The following TTC33 variants were observed in gnomAD, a reference collection of about 807,000 sequenced individuals.
TTC33 encodes the protein tetratricopeptide repeat protein 33.
Under a neutral mutation model 29.4 loss-of-function variants are expected in TTC33, and 24 were observed. That is an observed-to-expected ratio of 0.82 (90% CI 0.59 to 1.15). The LOEUF is 1.15. Among genes scored for constraint, TTC33 ranks in the 50% most tolerant of loss-of-function variants. The probability of loss-of-function intolerance (pLI) is 0.00; values close to 1 mark genes in which losing one functional copy is unlikely to be tolerated. For synonymous variants in TTC33, 107 were observed against 100.3 expected (o/e 1.07, Z -0.40); for missense variants, 286 against 310.4 (o/e 0.92, Z 0.59).
At chr5:40,740,414 C>A (rs1742667817) in intron 2 of TTC33, among the ~76,000 whole-genome samples, 1 of 151,888 alleles carries the variant, frequency 6.6e-6, no homozygotes. Context: ...TTTTATAATA[C>A]AAAGAATTCT....
At chr5:40,750,406 A>G (rs1050254795) in intron 1 of TTC33, among the ~76,000 whole-genome samples, 2 of 152,112 alleles carry the variant, frequency 1.3e-5, no homozygotes, top group Non-Finnish European at 2.9e-5. Context: ...AAATTTTTAA[A>G]AACTATCCAG....
At chr5:40,730,395 A>C in intron 2 of TTC33, 52 bp from the exon 3 acceptor site, 1 of 1,492,938 alleles carries the variant, frequency 6.7e-7, no homozygotes, top group Non-Finnish European at 9.3e-7. Flanking sequence ...GCTTTTTTGG[A>C]CTTTCAAAAA....
At position 40,717,789 on chromosome 5, in the gene TTC33, C is replaced by A. The variant is rs146104588; in HGVS notation, c.436-1291G>T. ...TTAAGATTGCACTTAATCGGCCAGG[C>A]ACCATGGCTCACGCCTGTAATCCCA... On this transcript the variant is annotated intron_variant, in intron 4 of 4. Coordinates refer to ENST00000337702, the MANE Select transcript of TTC33 (RefSeq NM_012382.3). 4.8e-3 allele frequency among the ~76,000 whole-genome samples: 731 copies of A among 152,334 alleles called. 5 individuals are homozygous for A. The highest frequency in any genetic ancestry group is 0.017 in the African/African-American group (698 of 41,574).
chr5:40,738,565 AAT>A lies in TTC33; in HGVS notation c.222-8224_222-8223del, dbSNP rs370671606. ...AATAAAATAAAATAAAATAAAATAAAATATAAAATAAAATAAAATAAAATAAA... is the reference window on the plus strand; with the variant it reads ...AATAAAATAAAATAAAATAAAATAAAATAAAATAAAATAAAATAAAATAAA... On this transcript the variant is annotated intron_variant, in intron 2 of 4. Coordinates refer to ENST00000337702, the MANE Select transcript of TTC33 (RefSeq NM_012382.3). 5.7e-3 allele frequency among the ~76,000 whole-genome samples: 453 copies of A among 79,566 alleles called. 10 individuals are homozygous for A. Among genetic ancestry groups the A allele is most frequent in the African/African-American group, 0.014 (253 of 18,600 alleles). 52.2% of individuals were successfully genotyped at this position (79,566 alleles called of 152,430 possible).
intron 2 of TTC33, among the ~76,000 whole-genome samples, chr5:40,735,862 C>A (rs1355362455): frequency 6.6e-6 from 1 of 152,028 alleles, no homozygotes; most frequent in Non-Finnish European, 1.5e-5. Flanking sequence ...TCACTGATAA[C>A]CTTTACAAAA....
chr5:40,729,466 T>C (rs1742372587), intron 3 of TTC33, among the ~76,000 whole-genome samples: 1 of 152,210 alleles, frequency 6.6e-6, no homozygotes, highest in African/African-American at 2.4e-5. Flanking sequence ...TACAAAATAT[T>C]AGAAACATGT....
Position 40,713,650 on chromosome 5 carries a change from T to A in TTC33, c.*2495A>T, listed in dbSNP as rs564060797. On this transcript the variant is annotated 3_prime_UTR_variant, in exon 5 of 5. Transcript: ENST00000337702. The stretch of plus-strand genomic sequence containing the variant: ...GATTCTTGTGTTATCAGGCATGGTC[T>A]GGATGTCTAGACACTCTGACTAATG... 3.9e-5 allele frequency among the ~76,000 whole-genome samples: 6 copies of A among 152,190 alleles called. No homozygotes were observed. The highest frequency in any genetic ancestry group is 8.8e-5 in the Non-Finnish European group (6 of 68,002).
chr5:40,741,464 C>T (rs1742693481), intron 2 of TTC33, among the ~76,000 whole-genome samples: 1 of 152,192 alleles, frequency 6.6e-6, no homozygotes, highest in African/African-American at 2.4e-5. Flanking sequence ...TACAGAAATT[C>T]CCCAATAGTT....
chr5:40,718,062 C>CA lies in TTC33; in HGVS notation c.436-1565dup, dbSNP rs138655383. ...GGGCAACAAGAGCGAAACTCCGTCT[C>CA]AAAAAAAAAAAAGATTGCACATAAT... is the stretch of plus-strand genomic sequence containing the variant. On this transcript the variant is annotated intron_variant, in intron 4 of 4. Transcript: ENST00000337702. 7.3e-3 allele frequency among the ~76,000 whole-genome samples: 970 copies of CA among 132,850 alleles called. 4 individuals are homozygous for CA. The highest frequency in any genetic ancestry group is 0.011 in the Non-Finnish European group (673 of 61,546). The allele number at this position is 132,850 out of a possible 152,430, so 87.2% of individuals were successfully genotyped here.
intron 4 of TTC33, among the ~76,000 whole-genome samples, chr5:40,720,358 G>A (rs1742098259): frequency 6.6e-6 from 1 of 152,124 alleles, no homozygotes; most frequent in Non-Finnish European, 1.5e-5. Flanking sequence ...CTGTAAAAAT[G>A]TAGGTTTATT....
intron 4 of TTC33, among the ~76,000 whole-genome samples, chr5:40,722,136 C>T (rs1247391969): frequency 2.6e-5 from 4 of 151,560 alleles, no homozygotes; most frequent in African/African-American, 4.8e-5. Context: ...ACCCGGGAGG[C>T]GGAGGTTGCA....
At position 40,715,884 on chromosome 5, in the gene TTC33, C is replaced by T. The variant is rs1478293480; in HGVS notation, c.*261G>A. ...TTTGTCTTTAAAATGTATTCATTTACATATTCAGATTAAACTAAGTTTATT... is the reference window on the plus strand; with the variant it reads ...TTTGTCTTTAAAATGTATTCATTTATATATTCAGATTAAACTAAGTTTATT... On this transcript the variant is annotated 3_prime_UTR_variant, in exon 5 of 5. Coordinates refer to ENST00000337702, the MANE Select transcript of TTC33 (RefSeq NM_012382.3). 2 of 355,234 alleles carry T rather than the reference C, an allele frequency of 5.6e-6. No homozygotes were observed. The highest frequency in any genetic ancestry group is 1.0e-5 in the Non-Finnish European group (2 of 198,764). The allele number at this position is 355,234 out of a possible 1,614,324, so 22.0% of individuals were successfully genotyped here.
At chr5:40,735,684 AAAG>A (rs1272834161) in intron 2 of TTC33, among the ~76,000 whole-genome samples, 1 of 152,236 alleles carries the variant, frequency 6.6e-6, no homozygotes, top group Non-Finnish European at 1.5e-5. Context: ...AGGAGCAAGC[AAAG>A]ATTAAAAAGG....
intron 4 of TTC33, among the ~76,000 whole-genome samples, chr5:40,719,850 C>T (rs899349256): frequency 2.0e-5 from 3 of 152,082 alleles, no homozygotes; most frequent in Non-Finnish European, 2.9e-5. Context: ...TGGAAAAATA[C>T]CTTTTCAAAT....
chr5:40,729,872 T>C (rs6860328), intron 3 of TTC33, among the ~76,000 whole-genome samples: 47,874 of 151,926 alleles, frequency 0.32, 7,954 homozygotes, highest in East Asian at 0.56. Context: ...CTAATATTTG[T>C]ATTTTTAGTA....
intron 2 of TTC33, among the ~76,000 whole-genome samples, chr5:40,735,164 GT>G (rs1244474202): frequency 6.6e-6 from 1 of 152,208 alleles, no homozygotes; most frequent in East Asian, 1.9e-4. Context: ...ATAAGCCATA[GT>G]TATGCATGTG....
intron 1 of TTC33, among the ~76,000 whole-genome samples, chr5:40,754,679 T>C (rs955342509): frequency 6.6e-6 from 1 of 152,214 alleles, no homozygotes. Flanking sequence ...TCATACACGA[T>C]ATGTGCTACA....
intron 2 of TTC33, among the ~76,000 whole-genome samples, chr5:40,745,311 G>T (rs1742769645): frequency 6.6e-6 from 1 of 152,074 alleles, no homozygotes; most frequent in Non-Finnish European, 1.5e-5. Context: ...TGTTAGGTAA[G>T]ATAATATCCT....
At chr5:40,728,935 G>A (rs1040004355) in intron 3 of TTC33, among the ~76,000 whole-genome samples, 5 of 152,066 alleles carry the variant, frequency 3.3e-5, no homozygotes, top group Non-Finnish European at 5.9e-5. Context: ...CTCACTACTG[G>A]GCATTTCAAA....
Sources: allele counts gnomAD v4.1 joint callset (sites outside exome capture counted in the v4.1 genomes callset), GRCh38; gene constraint gnomAD v4.1.1; transcripts MANE v1.5; gene names NCBI Gene and HGNC (gene_info 2026-07-23, HGNC 2026-07-21).